The following TCF7 variants were observed in gnomAD, a reference collection of about 807,000 sequenced individuals.
The protein encoded by TCF7 is transcription factor 7.
TCF7 carries 19 observed loss-of-function variants against 46.8 expected under a neutral mutation model. The ratio of observed to expected loss-of-function variants is 0.41; its 90% confidence interval spans 0.28 to 0.60. TCF7 has a LOEUF of 0.60. Ranked by LOEUF, TCF7 falls within the 20% of genes least tolerant of loss-of-function variation. The pLI is 0.35. For missense variants in TCF7, 547 were observed against 504.6 expected (o/e 1.08, Z -0.81); for synonymous variants, 245 against 213.4 (o/e 1.15, Z -1.29).
chr5:134,137,919 T>G, intron 3 of TCF7, 140 bp from the exon 4 acceptor site: 1 of 633,490 alleles, frequency 1.6e-6, no homozygotes, highest in East Asian at 3.1e-5. Flanking sequence ...CACTGTGACT[T>G]GAGTGGTACC....
chr5:134,116,085 A>G lies in TCF7; in HGVS notation c.441+52A>G, dbSNP rs770201213. 153 of 1,559,690 alleles carry G rather than the reference A, an allele frequency of 9.8e-5. No individual in the cohort carries two copies. The Middle Eastern group carries it at 2.1e-3, about 21-fold the overall frequency. On this transcript the variant is annotated intron_variant, in intron 3 of 9. Coordinates refer to ENST00000342854, the MANE Select transcript of TCF7 (RefSeq NM_003202.5). ...CCCTGTGCTTGCAGCCTCCTTGACCAGGTAGGTGAGGCACCGGCAAGAGAC... is the reference window on the plus strand; with the variant it reads ...CCCTGTGCTTGCAGCCTCCTTGACCGGGTAGGTGAGGCACCGGCAAGAGAC...
At chr5:134,113,598 A>C (rs867893025), upstream of TCF7, among the ~76,000 whole-genome samples, 5 of 152,250 alleles carry the variant, frequency 3.3e-5, no homozygotes, top group Admixed American at 6.5e-5. Flanking sequence ...CCCAGCACAG[A>C]AACCTGCTAG....
Position 134,142,725 on chromosome 5 carries a change from A to G in TCF7, c.760A>G (p.Thr254Ala). 1 of 1,613,964 alleles carries G rather than the reference A, an allele frequency of 6.2e-7. No homozygotes were observed. The highest frequency in any genetic ancestry group is 8.5e-7 in the Non-Finnish European group (1 of 1,179,908). The change falls in exon 7 of 10, where the codon ACA (threonine) becomes GCA (alanine). Residue 254 changes from threonine to alanine, a missense_variant. Physicochemically the swap from Thr to Ala is moderately conservative, Grantham distance 58. This residue lies in a region of TCF7 where 425 missense variants were observed against 349.9 expected (regional missense o/e 1.21). Coordinates refer to ENST00000342854, the MANE Select transcript of TCF7 (RefSeq NM_003202.5). Reference sequence around the variant, plus strand: ...ATCTGGATTTGTGCCCCTCAGGAAGACACAAGCAGAGTCCAAGGCAGAGAA... The same window carrying G: ...ATCTGGATTTGTGCCCCTCAGGAAGGCACAAGCAGAGTCCAAGGCAGAGAA... ...ELQPFDRNLK[T>A]QAESKAEKEA...
rs567282050 is a variant in TCF7 at position 134,140,958 on chromosome 5, T to C, written c.636-1227T>C. On this transcript the variant is annotated intron_variant, in intron 5 of 9. Coordinates refer to ENST00000342854, the MANE Select transcript of TCF7 (RefSeq NM_003202.5). ...AGGCTTCAGAGCCCACACAAGGCCA[T>C]GCCCAGGCCAGTGCTTGCCCTGTGT... The C allele has an allele frequency of 4.1e-5, 14 of 339,528 alleles. 1 individual carries two copies. Among genetic ancestry groups the C allele is most frequent in the African/African-American group, 3.1e-4 (14 of 45,216 alleles). The allele number at this position is 339,528 out of a possible 1,614,324, so 21.0% of individuals were successfully genotyped here.
At chr5:134,130,882 T>C (rs1351262951) in intron 3 of TCF7, among the ~76,000 whole-genome samples, 3 of 152,064 alleles carry the variant, frequency 2.0e-5, no homozygotes. Flanking sequence ...ACATTCAATA[T>C]AAATAACTCA....
intron 3 of TCF7, among the ~76,000 whole-genome samples, chr5:134,135,576 G>C (rs1291671042): frequency 6.6e-6 from 1 of 152,206 alleles, no homozygotes; most frequent in African/African-American, 2.4e-5. Flanking sequence ...AAGATCTTTA[G>C]TCTGAGCAGC....
chr5:134,137,927 A>AC (rs902571394), intron 3 of TCF7, 132 bp from the exon 4 acceptor site: 2 of 667,664 alleles, frequency 3.0e-6, no homozygotes, highest in African/African-American at 1.9e-5. Flanking sequence ...CTTGAGTGGT[A>AC]CCCCCTTCGC....
At chr5:134,114,478 C>G (rs1271906889), upstream of TCF7, among the ~76,000 whole-genome samples, 2 of 152,084 alleles carry the variant, frequency 1.3e-5, no homozygotes, top group African/African-American at 4.8e-5. Context: ...CAGGAGTTCC[C>G]GTTAGAGTCT....
In TCF7 at chr5:134,127,752, G is replaced by A. The variant is rs563749671; in HGVS notation, c.442-10307G>A. Among the ~76,000 whole-genome samples the A allele has an allele frequency of 2.6e-5, 4 of 152,306 alleles. No homozygotes were observed. The East Asian group carries it at 7.7e-4, about 29-fold the overall frequency. On this transcript the variant is annotated intron_variant, in intron 3 of 9. Transcript: ENST00000342854. ...GCCTCCCATCCTCTCTGGTCATTGC[G>A]GGCCAGCCAGGAGCTCAGTGATCTG...
chr5:134,115,506 C>T, intron 2 of TCF7, 119 bp downstream of exon 2: 2 of 1,482,608 alleles, frequency 1.3e-6, no homozygotes, highest in Non-Finnish European at 1.8e-6. Flanking sequence ...CAGGAGGCGG[C>T]AGAACCCAGG....
At chr5:134,136,036 A>C (rs1468472365) in intron 3 of TCF7, among the ~76,000 whole-genome samples, 1 of 152,080 alleles carries the variant, frequency 6.6e-6, no homozygotes, top group Non-Finnish European at 1.5e-5. Flanking sequence ...CATCTAGTGG[A>C]GGGATGGGGC....
intron 3 of TCF7, among the ~76,000 whole-genome samples, chr5:134,129,204 G>A (rs142019304): frequency 9.8e-4 from 150 of 152,354 alleles, no homozygotes; most frequent in African/African-American, 3.2e-3. Context: ...GTGGGATTCC[G>A]GCAGGGGTGG....
chr5:134,133,302 G>T (rs775903081), intron 3 of TCF7, among the ~76,000 whole-genome samples: 38 of 152,210 alleles, frequency 2.5e-4, no homozygotes, highest in Non-Finnish European at 4.4e-4. Flanking sequence ...TGCCCTCAGA[G>T]GATGAGGGCA....
At chr5:134,136,660 G>A (rs528233877) in intron 3 of TCF7, among the ~76,000 whole-genome samples, 95 of 152,238 alleles carry the variant, frequency 6.2e-4, no homozygotes, top group Admixed American at 3.3e-3. Context: ...ACCAAGTGCC[G>A]AGGGACTGTG....
At position 134,116,009 on chromosome 5, in the gene TCF7, G is replaced by T; in HGVS notation, c.417G>T (p.Gln139His). ...MHYPPPSGAG[Q>H]HPQPQPPLHK... Reference sequence around the variant, plus strand: ...ACCCACCCCCCTCGGGAGCAGGGCAGCACCCCCAGCCGCAGCCCCCGCTGG... The same window carrying T: ...ACCCACCCCCCTCGGGAGCAGGGCATCACCCCCAGCCGCAGCCCCCGCTGG... Residue 139 changes from glutamine to histidine, a missense_variant, in exon 3 of 10, where the codon CAG becomes CAT. Gln to His is a conservative substitution (Grantham distance 24, BLOSUM62 0). This residue lies in a region of TCF7 where 425 missense variants were observed against 349.9 expected (regional missense o/e 1.21). Coordinates refer to ENST00000342854, the MANE Select transcript of TCF7 (RefSeq NM_003202.5). The T allele has an allele frequency of 6.2e-7, 1 of 1,613,094 alleles. No homozygotes were observed. The highest frequency in any genetic ancestry group is 1.1e-5 in the South Asian group (1 of 91,068).
intron 9 of TCF7, chr5:134,145,463 C>A: frequency 1.8e-6 from 1 of 559,810 alleles, no homozygotes; most frequent in Non-Finnish European, 3.3e-6. Context: ...CACCATACAA[C>A]AGAGAAATAC....
chr5:134,128,449 G>A (rs1250484500), intron 3 of TCF7, among the ~76,000 whole-genome samples: 1 of 151,958 alleles, frequency 6.6e-6, no homozygotes. Flanking sequence ...TGGATAAATG[G>A]CTAGACAGTC....
At position 134,143,077 on chromosome 5, in the gene TCF7, G is replaced by C. The variant is rs1760100492; in HGVS notation, c.1003G>C (p.Gly335Arg). ...ERQLHMQLYP[G>R]WSARDNYGKK... ...GCAGCTGCACATGCAGCTATACCCA[G>C]GCTGGTCAGCGCGGGACAACTACGT... Residue 335 changes from glycine to arginine, a missense_variant, in exon 8 of 10, where the codon GGC (glycine) becomes CGC (arginine). By Grantham distance (125) the Gly-to-Arg change is moderately radical. Coordinates refer to ENST00000342854, the MANE Select transcript of TCF7 (RefSeq NM_003202.5). The C allele has an allele frequency of 6.2e-7, 1 of 1,608,676 alleles. No individual in the cohort carries two copies. The highest frequency in any genetic ancestry group is 1.3e-5 in the African/African-American group (1 of 74,872).
intron 3 of TCF7, among the ~76,000 whole-genome samples, chr5:134,118,540 C>A (rs554380844): frequency 6.6e-6 from 1 of 152,298 alleles, no homozygotes; most frequent in South Asian, 2.1e-4. Context: ...CCAGCTCGAA[C>A]CTTGCCCGGA....
Sources: allele counts gnomAD v4.1 joint callset (sites outside exome capture counted in the v4.1 genomes callset), GRCh38; gene constraint gnomAD v4.1.1; regional missense constraint gnomAD v4.1.1; transcripts MANE v1.5; gene names NCBI Gene and HGNC (gene_info 2026-07-23, HGNC 2026-07-21).